The following PDE4D variants were observed in gnomAD, a reference collection of about 807,000 sequenced individuals.
PDE4D encodes the protein 3',5'-cyclic-AMP phosphodiesterase 4D.
A neutral mutation model predicts 87.4 loss-of-function variants in PDE4D; 24 were observed. The observed-to-expected ratio is 0.27, with a 90% CI of 0.20 to 0.39. PDE4D has a LOEUF of 0.39. Ranked by LOEUF, PDE4D falls within the 10% of genes least tolerant of loss-of-function variation. PDE4D has a pLI of 1.00. For missense variants in PDE4D, 714 were observed against 1,041.0 expected, an observed-to-expected ratio of 0.69 and a Z score of 4.32; for synonymous variants, 384 against 383.2, an observed-to-expected ratio of 1.00 and a Z score of -0.02.
intron 1 of PDE4D, among the ~76,000 whole-genome samples, chr5:59,712,165 A>C (rs1278635179): frequency 6.6e-6 from 1 of 151,926 alleles, no homozygotes; most frequent in Non-Finnish European, 1.5e-5. Context: ...GGCTAAAATA[A>C]CATCAAACAA....
In PDE4D at chr5:60,238,276, A is replaced by G. The variant is rs536740948; in HGVS notation, c.-89-52589T>C. On this transcript the variant is annotated intron_variant, in intron 1 of 16. Transcript: ENST00000502484. Reference sequence around the variant, plus strand: ...TACTATGCTGTAAGTCCATTGCACAAATATCCCAGTTTTTATTTGTACTTT... The same window carrying G: ...TACTATGCTGTAAGTCCATTGCACAGATATCCCAGTTTTTATTTGTACTTT... 6.6e-5 allele frequency among the ~76,000 whole-genome samples: 10 copies of G among 152,072 alleles called. No homozygotes were observed. In the East Asian group the frequency reaches 1.9e-3, roughly 30 times the overall value.
At chr5:59,867,569 G>T (rs1204183367) in intron 1 of PDE4D, among the ~76,000 whole-genome samples, 1 of 151,934 alleles carries the variant, frequency 6.6e-6, no homozygotes, top group Non-Finnish European at 1.5e-5. Context: ...TTTGACTTGG[G>T]AATTCCACCT....
intron 2 of PDE4D, among the ~76,000 whole-genome samples, chr5:60,127,150 G>C (rs1779187178): frequency 6.6e-6 from 1 of 152,170 alleles, no homozygotes; most frequent in African/African-American, 2.4e-5. Context: ...GTGCCCTGAG[G>C]CACTGGGTGG....
chr5:59,834,946 T>C (rs1170397542), intron 1 of PDE4D, among the ~76,000 whole-genome samples: 1 of 152,000 alleles, frequency 6.6e-6, no homozygotes, highest in Non-Finnish European at 1.5e-5. Flanking sequence ...CAGTTGCTAC[T>C]TTCTCCCTCC....
chr5:60,268,099 C>A (rs1173819402), intron 1 of PDE4D, among the ~76,000 whole-genome samples: 1 of 152,104 alleles, frequency 6.6e-6, no homozygotes, highest in African/African-American at 2.4e-5. Context: ...CAGCACCAAG[C>A]ACAATGAAAA....
intron 1 of PDE4D, among the ~76,000 whole-genome samples, chr5:60,436,409 C>T (rs1420746302): frequency 6.6e-6 from 1 of 152,042 alleles, no homozygotes; most frequent in Non-Finnish European, 1.5e-5. Flanking sequence ...CCTGAGCTCT[C>T]CTTTGAATGT....
intron 1 of PDE4D, among the ~76,000 whole-genome samples, chr5:60,215,509 C>A (rs939521036): frequency 3.9e-5 from 6 of 152,018 alleles, no homozygotes; most frequent in Admixed American, 1.3e-4. Context: ...CAAATATTTT[C>A]ATTTTTATAA....
At chr5:60,022,145 G>A (rs553478566) in intron 2 of PDE4D, among the ~76,000 whole-genome samples, 1 of 151,880 alleles carries the variant, frequency 6.6e-6, no homozygotes, top group Non-Finnish European at 1.5e-5. Flanking sequence ...CCAATTTAGA[G>A]AGCCAGAGTC....
At chr5:60,212,724 T>C (rs1452305413) in intron 1 of PDE4D, among the ~76,000 whole-genome samples, 1 of 152,236 alleles carries the variant, frequency 6.6e-6, no homozygotes, top group Non-Finnish European at 1.5e-5. Flanking sequence ...TAAAGTTGTA[T>C]GTGTCAATAA....
intron 3 of PDE4D, among the ~76,000 whole-genome samples, chr5:59,941,646 A>G (rs781535627): frequency 6.6e-6 from 1 of 152,204 alleles, no homozygotes; most frequent in Non-Finnish European, 1.5e-5. Context: ...CAAAATCTCT[A>G]AGCCATGTTT....
chr5:60,090,232 G>A (rs537627813), intron 2 of PDE4D, among the ~76,000 whole-genome samples: 1 of 152,066 alleles, frequency 6.6e-6, no homozygotes. Context: ...CAACAAAATA[G>A]GAAAACTACA....
intron 1 of PDE4D, among the ~76,000 whole-genome samples, chr5:59,819,749 T>C (rs1769417581): frequency 1.3e-5 from 2 of 152,194 alleles, no homozygotes; most frequent in Admixed American, 1.3e-4. Flanking sequence ...ATTTGGACAG[T>C]AGCTATCTTT....
chr5:60,369,186 C>T (rs1267325833), intron 1 of PDE4D, among the ~76,000 whole-genome samples: 1 of 151,866 alleles, frequency 6.6e-6, no homozygotes, highest in Non-Finnish European at 1.5e-5. Context: ...TCCACTCTCC[C>T]TCCACTCTGG....
chr5:59,210,215 C>T (rs78824138), intron 2 of PDE4D, among the ~76,000 whole-genome samples: 1 of 152,138 alleles, frequency 6.6e-6, no homozygotes, highest in Non-Finnish European at 1.5e-5. Flanking sequence ...CATGTAGATC[C>T]AGTGAGAATT....
chr5:60,056,486 AG>A (rs1374799331), intron 2 of PDE4D, among the ~76,000 whole-genome samples: 1 of 152,048 alleles, frequency 6.6e-6, no homozygotes, highest in Non-Finnish European at 1.5e-5. Context: ...CGCAAATTTA[AG>A]TGGAAGAGAG....
At chr5:60,236,384 C>T (rs1194688349) in intron 1 of PDE4D, among the ~76,000 whole-genome samples, 1 of 151,654 alleles carries the variant, frequency 6.6e-6, no homozygotes, top group African/African-American at 2.4e-5. Flanking sequence ...AATTTAAACC[C>T]TCAAAACTCA....
chr5:60,287,401 C>T lies in PDE4D; in HGVS notation c.-89-101714G>A, dbSNP rs115307159. Among the ~76,000 whole-genome samples the T allele has an allele frequency of 2.8e-3, 430 of 152,300 alleles. 2 individuals carry two copies. Among genetic ancestry groups the T allele is most frequent in the African/African-American group, 0.01 (419 of 41,568 alleles). ...GAGGCGCCCCCTTCAGGCCTTAGGG[C>T]ACCATTGCTTGCCTCTTGTAAGTAC... On this transcript the variant is annotated intron_variant, in intron 1 of 16. Transcript: ENST00000502484.
chr5:59,893,135 G>C, intron 1 of PDE4D, 33 bp downstream of exon 1: 1 of 1,535,672 alleles, frequency 6.5e-7, no homozygotes, highest in Non-Finnish European at 8.8e-7. Context: ...GTGACCCTTT[G>C]CCTGAATGGG....
intron 1 of PDE4D, among the ~76,000 whole-genome samples, chr5:59,317,176 G>T (rs556610037): frequency 2.0e-5 from 3 of 152,150 alleles, no homozygotes; most frequent in Admixed American, 2.0e-4. Context: ...TTGCCTAGAC[G>T]TTGAGAGCAT....
Sources: allele counts gnomAD v4.1 joint callset (sites outside exome capture counted in the v4.1 genomes callset), GRCh38; gene constraint gnomAD v4.1.1; transcripts MANE v1.5; gene names NCBI Gene and HGNC (gene_info 2026-07-23, HGNC 2026-07-21).